KDM4C: variants seen among roughly 807,000 people sequenced by gnomAD.
KDM4C encodes the protein lysine demethylase 4C, also known as lysine-specific demethylase 4C.
A neutral mutation model predicts 129.3 loss-of-function variants in KDM4C; 81 were observed. That is an observed-to-expected ratio of 0.63 (90% confidence interval 0.52 to 0.75). The LOEUF is 0.75. Among genes scored for constraint, KDM4C ranks in the 30% least tolerant of loss-of-function variants. KDM4C has a pLI of 0.00. For synonymous variants in KDM4C, 573 were observed against 456.1 expected, an observed-to-expected ratio of 1.26 and a Z score of -3.26; for missense variants, 1,457 against 1,304.0, an observed-to-expected ratio of 1.12 and a Z score of -1.81.
At chr9:6,749,964 C>A (rs1267897545) in intron 1 of KDM4C, among the ~76,000 whole-genome samples, 2 of 94,682 alleles carry the variant, frequency 2.1e-5, no homozygotes, top group East Asian at 3.2e-4. Flanking sequence ...CCAGCCTGGG[C>A]AACAACAGTG....
chr9:7,005,683 A>G (rs1179951740), intron 12 of KDM4C, among the ~76,000 whole-genome samples: 1 of 152,156 alleles, frequency 6.6e-6, no homozygotes, highest in Non-Finnish European at 1.5e-5. Flanking sequence ...TTGGAGGCCT[A>G]GAGGGGAAGG....
intron 4 of KDM4C, chr9:6,835,219 T>G: frequency 1.1e-6 from 1 of 912,906 alleles, no homozygotes; most frequent in East Asian, 2.4e-5. Flanking sequence ...GCAGTTCTGC[T>G]GCCCTGAGGC....
chr9:7,091,766 G>A (rs1349422965), intron 17 of KDM4C, among the ~76,000 whole-genome samples: 2 of 152,156 alleles, frequency 1.3e-5, no homozygotes, highest in Non-Finnish European at 2.9e-5. Flanking sequence ...GTTGAAGAAC[G>A]AGCACATCAG....
chr9:7,113,292 A>C (rs1343188271), intron 18 of KDM4C, among the ~76,000 whole-genome samples: 1 of 152,218 alleles, frequency 6.6e-6, no homozygotes, highest in Non-Finnish European at 1.5e-5. Flanking sequence ...ATAGAAAGTG[A>C]AGGTTAGATT....
At chr9:7,138,659 T>A (rs540230807) in intron 19 of KDM4C, among the ~76,000 whole-genome samples, 24 of 151,750 alleles carry the variant, frequency 1.6e-4, no homozygotes, top group Admixed American at 3.9e-4. Context: ...TACAAAAAAA[T>A]TTAAAAAAAT....
chr9:6,747,299 G>A (rs1037626617), intron 1 of KDM4C, among the ~76,000 whole-genome samples: 1 of 151,976 alleles, frequency 6.6e-6, no homozygotes, highest in East Asian at 1.9e-4. Flanking sequence ...TGTAATCCCA[G>A]CACTTTGGGA....
intron 21 of KDM4C, among the ~76,000 whole-genome samples, chr9:7,173,168 C>T (rs769485387): frequency 5.9e-5 from 9 of 152,250 alleles, no homozygotes; most frequent in Non-Finnish European, 1.3e-4. Flanking sequence ...ACCTCTACCA[C>T]TGCCCTCCTC....
chr9:6,957,372 C>T (rs1297257159), intron 8 of KDM4C, among the ~76,000 whole-genome samples: 1 of 152,162 alleles, frequency 6.6e-6, no homozygotes, highest in Admixed American at 6.5e-5. Flanking sequence ...AAGCTGTGTC[C>T]TGCCTTTTAT....
chr9:6,739,093 G>C (rs1472587999), intron 1 of KDM4C, among the ~76,000 whole-genome samples: 1 of 151,712 alleles, frequency 6.6e-6, no homozygotes, highest in African/African-American at 2.4e-5. Flanking sequence ...ATTATTTTGA[G>C]ACAGAGTCTC....
intron 1 of KDM4C, among the ~76,000 whole-genome samples, chr9:6,792,542 C>G (rs1380394998): frequency 6.6e-6 from 1 of 151,776 alleles, no homozygotes; most frequent in Non-Finnish European, 1.5e-5. Context: ...GCATGTACCA[C>G]CACACCCGGC....
intron 15 of KDM4C, among the ~76,000 whole-genome samples, chr9:7,044,637 G>A (rs1829123442): frequency 6.6e-6 from 1 of 151,898 alleles, no homozygotes; most frequent in African/African-American, 2.4e-5. Flanking sequence ...AACAGTCGGG[G>A]AGTACAGGCT....
At chr9:6,739,278 G>A (rs1817616361) in intron 1 of KDM4C, among the ~76,000 whole-genome samples, 1 of 151,664 alleles carries the variant, frequency 6.6e-6, no homozygotes, top group Non-Finnish European at 1.5e-5. Flanking sequence ...TCACCATGTT[G>A]GCCAGGCTGG....
At chr9:6,741,891 T>C (rs1192219066) in intron 1 of KDM4C, among the ~76,000 whole-genome samples, 2 of 149,308 alleles carry the variant, frequency 1.3e-5, no homozygotes, top group Admixed American at 6.7e-5. Context: ...AAAATGTTGT[T>C]ACACACACAC....
intron 8 of KDM4C, among the ~76,000 whole-genome samples, chr9:6,894,250 A>G (rs537589565): frequency 6.6e-5 from 10 of 152,384 alleles, no homozygotes; most frequent in African/African-American, 2.2e-4. Flanking sequence ...TTGGCAGCCC[A>G]GGAGTCATTC....
intron 8 of KDM4C, among the ~76,000 whole-genome samples, chr9:6,919,242 C>A (rs1820923759): frequency 1.1e-5 from 1 of 94,666 alleles, no homozygotes. Flanking sequence ...TTCTTTCTTT[C>A]TTTCTTTTCT....
chr9:6,932,690 A>G (rs997658941), intron 8 of KDM4C, among the ~76,000 whole-genome samples: 1 of 151,850 alleles, frequency 6.6e-6, no homozygotes, highest in Non-Finnish European at 1.5e-5. Flanking sequence ...GGCCATTTCT[A>G]CTCCTTCATT....
intron 6 of KDM4C, among the ~76,000 whole-genome samples, chr9:6,882,154 T>C (rs902865445): frequency 1.3e-5 from 2 of 152,202 alleles, no homozygotes; most frequent in African/African-American, 4.8e-5. Context: ...TTTATACAGG[T>C]TTTCCCCATA....
chr9:6,886,292 C>T (rs1276126060), intron 6 of KDM4C, among the ~76,000 whole-genome samples: 2 of 150,972 alleles, frequency 1.3e-5, no homozygotes, highest in Non-Finnish European at 3.0e-5. Context: ...TAACATTTCT[C>T]ATGTTTTATT....
Position 6,736,966 on chromosome 9 carries a change from G to T in KDM4C, c.49+15969G>T, listed in dbSNP as rs57315904. On this transcript the variant is annotated intron_variant, in intron 1 of 17. Coordinates refer to the KDM4C transcript ENST00000536108. ...CTTGGGAGGCGGAGGCACAAGTATC[G>T]CTTGAACCTGGGAGGGGGAGGTTGC... 9.6e-3 allele frequency among the ~76,000 whole-genome samples: 1,425 copies of T among 148,482 alleles called. 21 individuals carry two copies. Among genetic ancestry groups the T allele is most frequent in the African/African-American group, 0.034 (1,356 of 40,238 alleles).
Sources: allele counts gnomAD v4.1 joint callset (sites outside exome capture counted in the v4.1 genomes callset), GRCh38; gene constraint gnomAD v4.1.1; transcripts MANE v1.5; gene names NCBI Gene and HGNC (gene_info 2026-07-23, HGNC 2026-07-21).